Variants in RFC3 observed in about 807,000 individuals in gnomAD.
RFC3 encodes the protein replication factor C subunit 3, also known as A1 38 kDa subunit.
Under a neutral mutation model 45.1 loss-of-function variants are expected in RFC3, and 41 were observed. That is an observed-to-expected ratio of 0.91 (90% CI 0.71 to 1.18). The LOEUF is 1.18. Ranked by LOEUF, RFC3 falls within the 50% of genes most tolerant of loss-of-function variation. The pLI is 0.00. For missense variants in RFC3, 423 were observed against 428.1 expected (o/e 0.99, Z 0.10); for synonymous variants, 149 against 144.0 (o/e 1.03, Z -0.25).
chr13:33,947,487 G>A (rs1243965436), intron 8 of RFC3, among the ~76,000 whole-genome samples: 1 of 152,152 alleles, frequency 6.6e-6, no homozygotes, highest in African/African-American at 2.4e-5. Flanking sequence ...TTGGTACTGA[G>A]AGTGGGGTGC....
In RFC3 at chr13:33,847,593, A is replaced by C. The variant is rs1187886552; in HGVS notation, c.879+12376A>C. On this transcript the variant is annotated intron_variant, in intron 8 of 8. Transcript: ENST00000434425. ...ATGGTCAAGTATCTCTTAAAAAAAA[A>C]AAATCATTCATATACCTCACATCCT... 2.6e-5 allele frequency: 4 copies of C among 152,144 alleles called. No homozygotes were observed. The South Asian group carries it at 6.2e-4, about 24-fold the overall frequency. The allele number at this position is 152,144 out of a possible 1,614,324, so 9.4% of individuals were successfully genotyped here. A position where few individuals can be genotyped will look rare whatever the true frequency, so the allele number is the denominator to read the frequency against.
intron 7 of RFC3, among the ~76,000 whole-genome samples, chr13:33,832,352 T>A (rs1290655961): frequency 6.6e-6 from 1 of 152,192 alleles, no homozygotes; most frequent in Non-Finnish European, 1.5e-5. Flanking sequence ...CAATAGAGCT[T>A]ACTCTTCCTT....
chr13:33,968,977 C>A (rs2083099882), downstream of RFC3, among the ~76,000 whole-genome samples: 1 of 152,186 alleles, frequency 6.6e-6, no homozygotes, highest in South Asian at 2.1e-4. Flanking sequence ...TCAAACACTC[C>A]AGCTCACAGT....
chr13:33,960,088 A>G (rs1284085189), intron 8 of RFC3, among the ~76,000 whole-genome samples: 3 of 152,226 alleles, frequency 2.0e-5, no homozygotes, highest in Non-Finnish European at 2.9e-5. Context: ...GTGCTAAACC[A>G]TTCATGAGAA....
chr13:33,821,338 C>T (rs1281348612), intron 2 of RFC3, 69 bp downstream of exon 2: 26 of 1,443,504 alleles, frequency 1.8e-5, no homozygotes, highest in Non-Finnish European at 2.3e-5. Flanking sequence ...TCATGTATGT[C>T]CCCCCAACTC....
intron 8 of RFC3, among the ~76,000 whole-genome samples, chr13:33,925,813 C>T (rs555664723): frequency 1.5e-3 from 231 of 151,998 alleles, no homozygotes; most frequent in African/African-American, 4.8e-3. Flanking sequence ...CGACCAACCA[C>T]CACCACATAT....
chr13:33,883,270 G>A (rs2082497225), intron 8 of RFC3, among the ~76,000 whole-genome samples: 1 of 152,184 alleles, frequency 6.6e-6, no homozygotes, highest in South Asian at 2.1e-4. Context: ...TCCAATCCAG[G>A]AGAGAATATG....
chr13:33,886,541 G>GAA (rs57875939), intron 8 of RFC3, among the ~76,000 whole-genome samples: 2 of 76,242 alleles, frequency 2.6e-5, no homozygotes, highest in Non-Finnish European at 5.9e-5. Context: ...TCTGAAAAAA[G>GAA]AAAAAAAAAA....
At chr13:33,848,397 G>A (rs921123008) in intron 8 of RFC3, 2 of 152,122 alleles carry the variant, frequency 1.3e-5, no homozygotes, top group African/African-American at 4.8e-5. Context: ...TTCAAAAAGA[G>A]TACATGTGTT....
chr13:33,935,423 T>A (rs894868053), intron 8 of RFC3, among the ~76,000 whole-genome samples: 1 of 152,168 alleles, frequency 6.6e-6, no homozygotes, highest in Non-Finnish European at 1.5e-5. Flanking sequence ...TTGGATGAAA[T>A]TAAATAGCTG....
At chr13:33,833,272 A>G (rs2082120673) in intron 7 of RFC3, among the ~76,000 whole-genome samples, 1 of 152,148 alleles carries the variant, frequency 6.6e-6, no homozygotes, top group African/African-American at 2.4e-5. Context: ...TCTAATTTGA[A>G]TAGCAGCGAA....
chr13:33,962,549 C>A (rs927311934), intron 8 of RFC3, among the ~76,000 whole-genome samples: 1 of 152,142 alleles, frequency 6.6e-6, no homozygotes, highest in African/African-American at 2.4e-5. Flanking sequence ...GGGGCATATC[C>A]TAAGGAACCA....
chr13:33,958,564 A>G (rs2083036752), intron 8 of RFC3, among the ~76,000 whole-genome samples: 1 of 152,248 alleles, frequency 6.6e-6, no homozygotes, highest in Non-Finnish European at 1.5e-5. Context: ...AACGTACTCT[A>G]TGCAACAGCA....
In RFC3 at chr13:33,864,945, A is replaced by G. The variant is rs189483884; in HGVS notation, c.879+29728A>G. 3.6e-3 allele frequency among the ~76,000 whole-genome samples: 542 copies of G among 152,246 alleles called. 2 individuals carry two copies. Among genetic ancestry groups the G allele is most frequent in the South Asian group, 0.02 (94 of 4,820 alleles). ...CGATTTTGAGATGTAAAGAGAGGTA[A>G]AGCCTAGGGATGTATTGATGAAAAT... On this transcript the variant is annotated intron_variant, in intron 8 of 8. Transcript: ENST00000434425.
chr13:33,825,845 A>G lies in RFC3; in HGVS notation c.350A>G (p.Gln117Arg), dbSNP rs764599802. Reference sequence around the variant, plus strand: ...CAGGAGATGTTGAAAACAGTGGCACAATCACAACAACTTGAAACAAACTCT... The same window carrying G: ...CAGGAGATGTTGAAAACAGTGGCACGATCACAACAACTTGAAACAAACTCT... ...VIQEMLKTVAQSQQLETNSQR... is the reference protein window; with the variant it reads ...VIQEMLKTVARSQQLETNSQR... Residue 117 changes from glutamine to arginine, a missense_variant, in exon 4 of 9, where the codon CAA becomes CGA. Transcript: ENST00000380071. 6.2e-7 allele frequency: 1 copy of G among 1,608,924 alleles called. No individual in the cohort carries two copies. Among genetic ancestry groups the G allele is most frequent in the South Asian group, 1.1e-5 (1 of 90,070 alleles).
intron 8 of RFC3, among the ~76,000 whole-genome samples, chr13:33,911,495 G>A (rs1299514844): frequency 6.6e-6 from 1 of 152,028 alleles, no homozygotes. Flanking sequence ...AATACCTGAG[G>A]CTGAGTAATT....
At chr13:33,898,549 A>G (rs894710770) in intron 8 of RFC3, among the ~76,000 whole-genome samples, 3 of 151,942 alleles carry the variant, frequency 2.0e-5, no homozygotes, top group Non-Finnish European at 4.4e-5. Flanking sequence ...ACCTATATCA[A>G]TAAAGTAGAA....
chr13:33,958,284 C>T (rs999464337), intron 8 of RFC3, among the ~76,000 whole-genome samples: 7 of 152,270 alleles, frequency 4.6e-5, no homozygotes, highest in African/African-American at 1.7e-4. Context: ...ATGGGCCAGG[C>T]CGTTTGGAGT....
chr13:33,965,235 C>T (rs899134649), intron 8 of RFC3, among the ~76,000 whole-genome samples: 2 of 152,108 alleles, frequency 1.3e-5, no homozygotes, highest in South Asian at 2.1e-4. Context: ...GTTGATAAAC[C>T]TCTACAGTCA....
Sources: allele counts gnomAD v4.1 joint callset (sites outside exome capture counted in the v4.1 genomes callset), GRCh38; gene constraint gnomAD v4.1.1; transcripts MANE v1.5; gene names NCBI Gene and HGNC (gene_info 2026-07-23, HGNC 2026-07-21).